The following NOVA1 variants were observed in gnomAD, a reference collection of about 807,000 sequenced individuals.
NOVA1 encodes the protein RNA-binding protein Nova-1.
Under a neutral mutation model 38.0 loss-of-function variants are expected in NOVA1, and 7 were observed. The ratio of observed to expected loss-of-function variants is 0.18; its 90% CI spans 0.10 to 0.35. The LOEUF (loss-of-function observed/expected upper bound fraction) is 0.35. Ranked by LOEUF, NOVA1 falls within the 10% of genes least tolerant of loss-of-function variation. NOVA1 has a pLI of 1.00. For missense variants in NOVA1, 460 were observed against 616.0 expected (o/e 0.75, Z 2.68); for synonymous variants, 270 against 232.5 (o/e 1.16, Z -1.47).
In NOVA1 at chr14:26,525,525, G is replaced by A. The variant is rs149757637; in HGVS notation, c.281-45382C>T. On this transcript the variant is annotated intron_variant, in intron 2 of 4. Transcript: ENST00000539517. ...ATGACTACGGCACACTTCATAAACTGTTACATGTCTGAAAGTTATTTATGA... is the reference window on the plus strand; with the variant it reads ...ATGACTACGGCACACTTCATAAACTATTACATGTCTGAAAGTTATTTATGA... Among the ~76,000 whole-genome samples the A allele has an allele frequency of 4.5e-3, 691 of 152,200 alleles. 6 individuals carry two copies. Among genetic ancestry groups the A allele is most frequent in the African/African-American group, 0.016 (648 of 41,554 alleles).
In NOVA1 at chr14:26,444,249, TA is replaced by T. The variant is rs1340143906; in HGVS notation, c.*3709del. 2 of 151,958 alleles carry T rather than the reference TA, an allele frequency of 1.3e-5. No homozygotes were observed. Among genetic ancestry groups the T allele is most frequent in the African/African-American group, 2.4e-5 (1 of 41,376 alleles). The allele number at this position is 151,958 out of a possible 1,614,324, so 9.4% of individuals were successfully genotyped here. Reference sequence around the variant, plus strand: ...TTTCATACTGTTTATTTTTTTCCAATAAAAAAATAAATCTCATACATTAGAA... The same window carrying T: ...TTTCATACTGTTTATTTTTTTCCAATAAAAAATAAATCTCATACATTAGAA... On this transcript the variant is annotated 3_prime_UTR_variant, in exon 5 of 5. Coordinates refer to ENST00000539517, the MANE Select transcript of NOVA1 (RefSeq NM_002515.3).
intron 2 of NOVA1, among the ~76,000 whole-genome samples, chr14:26,482,006 A>AAC (rs1645137334): frequency 9.6e-6 from 1 of 104,528 alleles, no homozygotes; most frequent in Non-Finnish European, 2.4e-5. Flanking sequence ...AAAAAAAAAA[A>AAC]AAAAAAAACA....
intron 2 of NOVA1, among the ~76,000 whole-genome samples, chr14:26,512,397 C>T (rs1383090125): frequency 6.6e-6 from 1 of 152,116 alleles, no homozygotes; most frequent in African/African-American, 2.4e-5. Context: ...AGGGGTCAGT[C>T]AACTAAAGGC....
rs193149516 is a variant in NOVA1 at position 26,515,480 on chromosome 14, A to C, written c.281-35337T>G. Among the ~76,000 whole-genome samples the C allele has an allele frequency of 1.6e-4, 24 of 152,108 alleles. No individual in the cohort carries two copies. In the East Asian group the frequency reaches 4.4e-3, roughly 28 times the overall value. ...TCAGGCACATAATACATACTATACT[A>C]ATCAATTTGTTCATAATATATGCAA... On this transcript the variant is annotated intron_variant, in intron 2 of 4. Coordinates refer to ENST00000539517, the MANE Select transcript of NOVA1 (RefSeq NM_002515.3).
chr14:26,524,026 T>C (rs1481127800), intron 2 of NOVA1, among the ~76,000 whole-genome samples: 1 of 152,156 alleles, frequency 6.6e-6, no homozygotes, highest in Admixed American at 6.5e-5. Context: ...GCTCCAATTA[T>C]AGGCGGGAGC....
chr14:26,463,805 G>A (rs55928941), intron 4 of NOVA1, among the ~76,000 whole-genome samples: 30,660 of 151,946 alleles, frequency 0.2, 3,307 homozygotes, highest in East Asian at 0.33. Flanking sequence ...TCTGCATATC[G>A]TCTGAGGTGG....
In NOVA1 at chr14:26,448,598, A is replaced by G. The variant is rs753438253; in HGVS notation, c.885T>C (p.Ala295=). 6.2e-7 allele frequency: 1 copy of G among 1,614,252 alleles called. No homozygotes were observed. Among genetic ancestry groups the G allele is most frequent in the Admixed American group, 1.7e-5 (1 of 60,024 alleles). ...AAACTGCTGGAAAGGCTGCAACGCC[A>G]GCAAGGTTAGCATGTCCTAATAGCC... ...AAGLLGHANL[A]GVAAFPAVLS... The change falls in exon 5 of 5, where the codon GCT becomes GCC. Residue 295 remains alanine, a synonymous_variant. Coordinates refer to ENST00000539517, the MANE Select transcript of NOVA1 (RefSeq NM_002515.3). The surrounding 1 kb of genome is among the most constrained non-coding windows in gnomAD (Gnocchi z 5.3).
At chr14:26,572,895 T>A (rs1892579996) in intron 2 of NOVA1, among the ~76,000 whole-genome samples, 2 of 152,138 alleles carry the variant, frequency 1.3e-5, no homozygotes, top group African/African-American at 4.8e-5. Context: ...AAAGACTTTA[T>A]GTAAGGTATA....
chr14:26,518,918 C>T (rs1888669777), intron 2 of NOVA1, among the ~76,000 whole-genome samples: 1 of 151,962 alleles, frequency 6.6e-6, no homozygotes, highest in African/African-American at 2.4e-5. Flanking sequence ...AATGTGATTA[C>T]TAAATTATAT....
chr14:26,482,938 T>G (rs1412993060), intron 2 of NOVA1, among the ~76,000 whole-genome samples: 1 of 152,108 alleles, frequency 6.6e-6, no homozygotes, highest in East Asian at 1.9e-4. Flanking sequence ...TCAAGTGATC[T>G]GCCCACCTCA....
intron 2 of NOVA1, among the ~76,000 whole-genome samples, chr14:26,589,905 C>T (rs1392522817): frequency 6.6e-6 from 1 of 151,628 alleles, no homozygotes; most frequent in South Asian, 2.1e-4. Context: ...TTTCATCAAC[C>T]CAAGCATCAG....
chr14:26,488,185 C>T (rs1270889742), intron 2 of NOVA1, among the ~76,000 whole-genome samples: 1 of 152,172 alleles, frequency 6.6e-6, no homozygotes, highest in African/African-American at 2.4e-5. Flanking sequence ...GGCCATATAA[C>T]ATGCTTAATC....
intron 2 of NOVA1, among the ~76,000 whole-genome samples, chr14:26,574,623 T>C (rs7156412): frequency 0.57 from 87,066 of 151,798 alleles, 30,207 homozygotes; most frequent in Non-Finnish European, 0.75. Flanking sequence ...ATCATAAAAC[T>C]TTAATTTCAA....
intron 2 of NOVA1, among the ~76,000 whole-genome samples, chr14:26,487,548 G>A (rs916975489): frequency 6.6e-6 from 1 of 152,040 alleles, no homozygotes; most frequent in Non-Finnish European, 1.5e-5. Flanking sequence ...GGAAATGGAA[G>A]CAACTGTGCA....
chr14:26,579,274 T>C (rs1406375878), intron 2 of NOVA1, among the ~76,000 whole-genome samples: 1 of 152,014 alleles, frequency 6.6e-6, no homozygotes, highest in African/African-American at 2.4e-5. Context: ...GCCAGGATGG[T>C]CCCAATCTGT....
At position 26,452,403 on chromosome 14, in the gene NOVA1, G is replaced by A. The variant is rs77983134; in HGVS notation, c.520-3440C>T. On this transcript the variant is annotated intron_variant, in intron 4 of 4. Transcript: ENST00000539517. ...AAAAGTGAGAGAGAAAAACATGGAA[G>A]CTTTGAGATGGTGGACAACTGAATA... 1.3e-3 allele frequency among the ~76,000 whole-genome samples: 199 copies of A among 152,262 alleles called. 1 individual carries two copies. Among genetic ancestry groups the A allele is most frequent in the African/African-American group, 4.6e-3 (190 of 41,562 alleles).
chr14:26,450,284 T>C (rs2138560328), intron 4 of NOVA1, among the ~76,000 whole-genome samples: 1 of 152,228 alleles, frequency 6.6e-6, no homozygotes, highest in East Asian at 1.9e-4. Context: ...AATACAGCCA[T>C]GCATTTCAGG....
intron 2 of NOVA1, among the ~76,000 whole-genome samples, chr14:26,481,988 T>TTAAAA (rs922159329): frequency 1.1e-4 from 12 of 105,962 alleles, no homozygotes; most frequent in South Asian, 5.5e-4. Context: ...TAGATAGAGA[T>TTAAAA]AAAAAAAAAA....
intron 2 of NOVA1, among the ~76,000 whole-genome samples, chr14:26,496,717 G>T (rs889429573): frequency 6.6e-6 from 1 of 152,156 alleles, no homozygotes; most frequent in Non-Finnish European, 1.5e-5. Context: ...CATATGGCTA[G>T]CCAGTTTTCC....
Sources: allele counts gnomAD v4.1 joint callset (sites outside exome capture counted in the v4.1 genomes callset), GRCh38; gene constraint gnomAD v4.1.1; non-coding constraint Gnocchi (gnomAD v3.1); transcripts MANE v1.5; gene names NCBI Gene and HGNC (gene_info 2026-07-23, HGNC 2026-07-21).